GALNT16: variants seen among roughly 807,000 people sequenced by gnomAD.
GALNT16 encodes polypeptide N-acetylgalactosaminyltransferase 16.
GALNT16 carries 40 observed loss-of-function variants against 76.1 expected under a neutral mutation model. That is an observed-to-expected ratio of 0.53 (90% CI 0.41 to 0.68). The LOEUF (loss-of-function observed/expected upper bound fraction) is 0.68. GALNT16 is among the 30% of genes least tolerant of loss of function. GALNT16 has a pLI of 0.00. For missense variants in GALNT16, 621 were observed against 731.9 expected, an observed-to-expected ratio of 0.85 and a Z score of 1.75; for synonymous variants, 276 against 285.2, an observed-to-expected ratio of 0.97 and a Z score of 0.32.
chr14:69,324,239 C>G (rs986752151), intron 2 of GALNT16, among the ~76,000 whole-genome samples: 3 of 152,154 alleles, frequency 2.0e-5, no homozygotes, highest in Non-Finnish European at 4.4e-5. Flanking sequence ...GGTGATTCCT[C>G]TGCAGATTCT....
intron 1 of GALNT16, among the ~76,000 whole-genome samples, chr14:69,303,010 A>G (rs1030608198): frequency 6.6e-5 from 10 of 152,226 alleles, no homozygotes; most frequent in Admixed American, 3.3e-4. Flanking sequence ...ATTATTTCCA[A>G]TATCTTACTA....
the GALNT16 span, among the ~76,000 whole-genome samples, chr14:69,373,843 T>C: frequency 6.6e-6 from 1 of 152,054 alleles, no homozygotes; most frequent in African/African-American, 2.4e-5. Flanking sequence ...TGGCACAATC[T>C]CGGCTTGGCT....
intron 2 of GALNT16, among the ~76,000 whole-genome samples, chr14:69,323,508 C>A (rs576346125): frequency 2.0e-5 from 3 of 152,298 alleles, no homozygotes; most frequent in African/African-American, 7.2e-5. Context: ...GACTGGGGCC[C>A]TGGAGGTCAG....
chr14:69,346,644 G>T (rs908313363), intron 12 of GALNT16, among the ~76,000 whole-genome samples: 13 of 152,264 alleles, frequency 8.5e-5, no homozygotes, highest in Non-Finnish European at 1.9e-4. Context: ...TGTTTAATTT[G>T]CCTCTTCAAA....
chr14:69,384,442 C>G, the GALNT16 span, among the ~76,000 whole-genome samples: 5 of 152,218 alleles, frequency 3.3e-5, no homozygotes, highest in Admixed American at 3.3e-4. Flanking sequence ...CCAGCTATGT[C>G]TAATTCTGCC....
chr14:69,301,095 G>A (rs530845850), intron 1 of GALNT16, among the ~76,000 whole-genome samples: 1 of 136,916 alleles, frequency 7.3e-6, no homozygotes, highest in Non-Finnish European at 1.6e-5. Flanking sequence ...AGGAACTTGG[G>A]GATTTCAGGC....
the GALNT16 span, chr14:69,380,648 G>A: frequency 9.9e-5 from 154 of 1,558,286 alleles, 1 homozygote; most frequent in Non-Finnish European, 1.3e-4. Flanking sequence ...TAACTGAGGA[G>A]AGAAAGGGAA....
intron 1 of GALNT16, among the ~76,000 whole-genome samples, chr14:69,305,426 G>A (rs1014038016): frequency 3.3e-5 from 5 of 152,172 alleles, no homozygotes; most frequent in Non-Finnish European, 5.9e-5. Flanking sequence ...GCCTACCAAA[G>A]TGCTGGGATT....
At chr14:69,323,169 G>A (rs2045228659) in intron 2 of GALNT16, among the ~76,000 whole-genome samples, 1 of 152,186 alleles carries the variant, frequency 6.6e-6, no homozygotes, top group African/African-American at 2.4e-5. Context: ...CCTCAATCTA[G>A]GGAGCCCGCT....
chr14:69,304,023 A>T (rs547519065), intron 1 of GALNT16, among the ~76,000 whole-genome samples: 1 of 152,250 alleles, frequency 6.6e-6, no homozygotes, highest in East Asian at 1.9e-4. Flanking sequence ...AATGTGTTCT[A>T]TTTAAGGAGT....
chr14:69,339,648 T>C, intron 11 of GALNT16, 29 bp downstream of exon 11: 2 of 1,383,152 alleles, frequency 1.4e-6, no homozygotes, highest in Non-Finnish European at 2.0e-6. Flanking sequence ...ACTGTCTGAC[T>C]CCCTCTACCC....
At chr14:69,285,330 A>T (rs1281188334) in intron 1 of GALNT16, among the ~76,000 whole-genome samples, 1 of 152,154 alleles carries the variant, frequency 6.6e-6, no homozygotes, top group Non-Finnish European at 1.5e-5. Context: ...AGCCTGGGGC[A>T]GTTCTTTATA....
At chr14:69,296,672 G>T in intron 1 of GALNT16, among the ~76,000 whole-genome samples, 1 of 152,006 alleles carries the variant, frequency 6.6e-6, no homozygotes, top group East Asian at 1.9e-4. Context: ...CAGCCTGTAT[G>T]ACAGAGCCAG....
the GALNT16 span, among the ~76,000 whole-genome samples, chr14:69,372,068 G>A: frequency 2.4e-4 from 37 of 152,154 alleles, no homozygotes; most frequent in Non-Finnish European, 3.5e-4. Flanking sequence ...TAGGACAGCC[G>A]GTCACATAAA....
At chr14:69,264,447 T>A (rs2044314306) in intron 1 of GALNT16, among the ~76,000 whole-genome samples, 1 of 152,200 alleles carries the variant, frequency 6.6e-6, no homozygotes, top group Non-Finnish European at 1.5e-5. Flanking sequence ...TTTCTGCTTA[T>A]GGAGGAACAT....
chr14:69,264,832 G>GTTTTTTTT, intron 1 of GALNT16, among the ~76,000 whole-genome samples: 1 of 14,394 alleles, frequency 6.9e-5, no homozygotes, highest in Non-Finnish European at 9.8e-5. Flanking sequence ...TTTTTTTTTG[G>GTTTTTTTT]ACACAGGGTC....
chr14:69,360,691 AAAG>A (rs2045719199), downstream of GALNT16, among the ~76,000 whole-genome samples: 1 of 152,348 alleles, frequency 6.6e-6, no homozygotes, highest in East Asian at 1.9e-4. Context: ...AGAAAAAAGA[AAAG>A]AAAAGAAATG....
intron 1 of GALNT16, among the ~76,000 whole-genome samples, chr14:69,272,958 A>G (rs373809806): frequency 6.6e-6 from 1 of 152,206 alleles, no homozygotes; most frequent in Non-Finnish European, 1.5e-5. Flanking sequence ...AACTTGCCTA[A>G]TGACGCATTT....
rs1226415912 is a variant in GALNT16 at position 69,339,567 on chromosome 14, A to T, written c.1135A>T (p.Lys379Ter). ...RTAEVWMDEY[K>*]QYYYEARPSA... ...TGCAGAAGTGTGGATGGATGAATAC[A>T]AGCAATACTACTATGAGGCCCGGCC... Residue 379 changes from lysine (K) to a stop codon, truncating the protein, a stop_gained, in exon 11 of 15, where the codon AAG becomes TAG. Coordinates refer to ENST00000448469, the MANE Select transcript of GALNT16 (RefSeq NM_001168368.2). LOFTEE classifies it high-confidence loss of function. 6 of 1,613,440 alleles carry T rather than the reference A, an allele frequency of 3.7e-6. No homozygotes were observed. The highest frequency in any genetic ancestry group is 2.5e-6 in the Non-Finnish European group (3 of 1,179,430).
Sources: allele counts gnomAD v4.1 joint callset (sites outside exome capture counted in the v4.1 genomes callset), GRCh38; gene constraint gnomAD v4.1.1; transcripts MANE v1.5; gene names NCBI Gene and HGNC (gene_info 2026-07-23, HGNC 2026-07-21).